CPEB2: variants seen among roughly 807,000 people sequenced by gnomAD.
CPEB2 encodes the protein cytoplasmic polyadenylation element binding protein 2.
Under a neutral mutation model 93.6 loss-of-function variants are expected in CPEB2, and 56 were observed. The observed-to-expected ratio is 0.60, with a 90% CI of 0.48 to 0.75. The LOEUF (loss-of-function observed/expected upper bound fraction) is 0.75. Among genes scored for constraint, CPEB2 ranks in the 30% least tolerant of loss-of-function variants. The pLI is 0.00. For synonymous variants in CPEB2, 764 were observed against 586.3 expected, an observed-to-expected ratio of 1.30 and a Z score of -4.38; for missense variants, 1,579 against 1,395.1, an observed-to-expected ratio of 1.13 and a Z score of -2.10.
At chr4:15,054,417 C>T (rs924799051) in intron 8 of CPEB2, among the ~76,000 whole-genome samples, 200 bp downstream of exon 8, 1 of 152,166 alleles carries the variant, frequency 6.6e-6, no homozygotes, top group African/African-American at 2.4e-5. Context: ...ACATATGAAA[C>T]AATATCTCTC....
intron 4 of CPEB2, among the ~76,000 whole-genome samples, chr4:15,026,261 C>G (rs1725464380): frequency 6.6e-6 from 1 of 150,610 alleles, no homozygotes; most frequent in African/African-American, 2.4e-5. Flanking sequence ...GAGTCTTGCT[C>G]TGTCACCCAG....
Position 15,053,027 on chromosome 4 carries a change from T to A in CPEB2, c.2371+443T>A, listed in dbSNP as rs5856282. On this transcript the variant is annotated intron_variant, in intron 7 of 11. Transcript: ENST00000538197. ...TTTATTTTTATTTATTTATTTATTT[T>A]TTTTTTTGAGGTGGAGTCTCGCTCT... 8.6e-3 allele frequency among the ~76,000 whole-genome samples: 997 copies of A among 115,676 alleles called. 12 individuals are homozygous for A. Among genetic ancestry groups the A allele is most frequent in the African/African-American group, 0.034 (697 of 20,796 alleles). 75.9% of individuals were successfully genotyped at this position (115,676 alleles called of 152,430 possible).
rs1396784954 is a variant in CPEB2, at chr4:15,003,817, C to T, written c.1144C>T (p.Pro382Ser). The T allele has an allele frequency of 9.5e-5, 95 of 995,860 alleles. 1 individual carries two copies. The highest frequency in any genetic ancestry group is 1.2e-4 in the Non-Finnish European group (91 of 777,108). The allele number at this position is 995,860 out of a possible 1,614,324, so 61.7% of individuals were successfully genotyped here. Residue 382 changes from proline to serine, a missense_variant, in exon 1 of 12, where the codon CCC becomes TCC. By Grantham distance (74) the Pro-to-Ser change is moderately conservative. Transcript: ENST00000538197. ...GCCGCCGCTGCCCGGCTTCGGCACC[C>T]CCTGGTCGGTGCAGACCGCGTCGCC... is the stretch of plus-strand genomic sequence containing the variant. The part of the protein sequence containing the change: ...SPPPLPGFGT[P>S]WSVQTASPPP...
intron 6 of CPEB2, among the ~76,000 whole-genome samples, chr4:15,044,275 A>G (rs1213840818): frequency 6.6e-6 from 1 of 152,206 alleles, no homozygotes; most frequent in Non-Finnish European, 1.5e-5. Context: ...AACTACAATG[A>G]TAGCACAGTT....
intron 4 of CPEB2, among the ~76,000 whole-genome samples, chr4:15,028,866 AT>A (rs543246976): frequency 2.3e-4 from 35 of 152,106 alleles, no homozygotes; most frequent in Non-Finnish European, 3.8e-4. Context: ...TAATCTGGTA[AT>A]TTCTCTAAAG....
At chr4:15,042,770 C>T (rs1216641495) in intron 6 of CPEB2, among the ~76,000 whole-genome samples, 1 of 152,108 alleles carries the variant, frequency 6.6e-6, no homozygotes. Context: ...TCAGAAATGG[C>T]TAGTCACCTG....
At chr4:15,027,656 A>G (rs1725631148) in intron 4 of CPEB2, among the ~76,000 whole-genome samples, 1 of 152,208 alleles carries the variant, frequency 6.6e-6, no homozygotes, top group Non-Finnish European at 1.5e-5. Context: ...AGTCTGTCAA[A>G]TGAGTTGGGG....
intron 11 of CPEB2, among the ~76,000 whole-genome samples, chr4:15,065,751 G>A (rs954510449): frequency 1.3e-5 from 2 of 152,072 alleles, no homozygotes; most frequent in African/African-American, 4.8e-5. Flanking sequence ...ACTCGCACCT[G>A]CAGTGGAGAG....
chr4:15,003,135 C>G lies in CPEB2; in HGVS notation c.462C>G (p.Ser154=). ...ACCCCTCCTCCTCCTCCGCCTCCTC[C>G]TGCTGCTGCTGCCGCACCTCCTCCC... ...LHHPSSSSAS[S]CCCCRTSSPQ... The change falls in exon 1 of 12, where the codon TCC becomes TCG. Residue 154 remains serine (S), a synonymous_variant. Transcript: ENST00000538197. 1.3e-6 allele frequency: 2 copies of G among 1,529,864 alleles called. No homozygotes were observed. Among genetic ancestry groups the G allele is most frequent in the Non-Finnish European group, 1.7e-6 (2 of 1,144,330 alleles). The allele number at this position is 1,529,864 out of a possible 1,614,324, so 94.8% of individuals were successfully genotyped here.
intron 6 of CPEB2, among the ~76,000 whole-genome samples, chr4:15,047,227 T>C (rs1290055107): frequency 6.6e-6 from 1 of 152,164 alleles, no homozygotes; most frequent in Non-Finnish European, 1.5e-5. Flanking sequence ...GCTTTTTGTT[T>C]GTTTGTTTTG....
chr4:15,034,898 C>A (rs866718056), intron 5 of CPEB2, among the ~76,000 whole-genome samples: 3 of 152,084 alleles, frequency 2.0e-5, no homozygotes, highest in South Asian at 4.1e-4. Flanking sequence ...GGATGTTTTT[C>A]TTGAGCTATT....
Position 15,007,536 on chromosome 4 carries a change from G to A in CPEB2, c.1894G>A (p.Asp632Asn), listed in dbSNP as rs371749932. The change falls in exon 2 of 12, where the codon GAT (aspartate) becomes AAT (asparagine). Residue 632 changes from aspartate (D) to asparagine (N), a missense_variant. By Grantham distance (23) the Asp-to-Asn change is conservative. Transcript: ENST00000538197. ...ACTGACTCCAAAATCTTGGATTGAA[G>A]ATAATGTGTTCAGAACAGACAACAA... The part of the protein sequence containing the change: ...PSLTPKSWIE[D>N]NVFRTDNNSN... 2.5e-6 allele frequency: 4 copies of A among 1,613,354 alleles called. No individual in the cohort carries two copies. The highest frequency in any genetic ancestry group is 1.1e-5 in the South Asian group (1 of 91,046).
At chr4:15,019,964 C>G (rs1399244065) in intron 4 of CPEB2, among the ~76,000 whole-genome samples, 1 of 152,080 alleles carries the variant, frequency 6.6e-6, no homozygotes, top group Non-Finnish European at 1.5e-5. Flanking sequence ...TAGCAGTCAA[C>G]ATACTGGCTG....
chr4:15,058,624 C>A, intron 9 of CPEB2, 85 bp downstream of exon 9: 3 of 767,100 alleles, frequency 3.9e-6, no homozygotes, highest in East Asian at 2.5e-5. Context: ...AATAAAAGAA[C>A]AATTAAACTA....
intron 3 of CPEB2, among the ~76,000 whole-genome samples, chr4:15,009,108 G>C (rs539118196): frequency 5.3e-4 from 80 of 152,114 alleles, no homozygotes; most frequent in Non-Finnish European, 1.0e-3. Flanking sequence ...CAGGTGGTGA[G>C]GATTATTATA....
chr4:15,006,352 C>T (rs898502651), intron 1 of CPEB2: 2 of 151,386 alleles, frequency 1.3e-5, no homozygotes, highest in Non-Finnish European at 2.9e-5. Context: ...TCTTTAGCTA[C>T]ATCTTAACAC....
intron 4 of CPEB2, among the ~76,000 whole-genome samples, chr4:15,020,640 T>G (rs1258061390): frequency 6.6e-6 from 1 of 152,086 alleles, no homozygotes; most frequent in East Asian, 1.9e-4. Flanking sequence ...GGGTCTAGTC[T>G]TGTTGAAGTT....
intron 7 of CPEB2, among the ~76,000 whole-genome samples, chr4:15,052,975 G>T (rs925885389): frequency 1.3e-5 from 2 of 151,594 alleles, no homozygotes; most frequent in East Asian, 1.9e-4. Context: ...GATAATATCT[G>T]CAATGCTTGG....
intron 6 of CPEB2, among the ~76,000 whole-genome samples, chr4:15,041,450 T>C (rs925080880): frequency 3.3e-5 from 5 of 151,924 alleles, no homozygotes; most frequent in African/African-American, 9.7e-5. Flanking sequence ...TTGCCCAGGC[T>C]GGAGTGCAGT....
Sources: allele counts gnomAD v4.1 joint callset (sites outside exome capture counted in the v4.1 genomes callset), GRCh38; gene constraint gnomAD v4.1.1; transcripts MANE v1.5; gene names NCBI Gene and HGNC (gene_info 2026-07-23, HGNC 2026-07-21).